The following FAM227B variants were observed in gnomAD, a reference collection of about 807,000 sequenced individuals.
FAM227B encodes family with sequence similarity 227 member B, also known as protein FAM227B.
FAM227B carries 88 observed loss-of-function variants against 73.8 expected under a neutral mutation model. That is an observed-to-expected ratio of 1.19 (90% CI 1.00 to 1.42). The LOEUF is 1.42. Ranked by LOEUF, FAM227B falls within the 40% of genes most tolerant of loss-of-function variation. The pLI, the probability that FAM227B is intolerant of heterozygous loss-of-function variation, is 0.00. For missense variants in FAM227B, 632 were observed against 590.9 expected (o/e 1.07, Z -0.72); for synonymous variants, 210 against 190.5 (o/e 1.10, Z -0.84).
At chr15:49,383,911 C>A (rs1297810342) in intron 11 of FAM227B, among the ~76,000 whole-genome samples, 1 of 152,054 alleles carries the variant, frequency 6.6e-6, no homozygotes, top group Non-Finnish European at 1.5e-5. Context: ...TCATTCTCCC[C>A]CCAAATACAG....
chr15:49,602,265 T>C (rs1567682077), intron 3 of FAM227B, among the ~76,000 whole-genome samples: 1 of 152,182 alleles, frequency 6.6e-6, no homozygotes, highest in Non-Finnish European at 1.5e-5. Context: ...CCACCAACAG[T>C]GTATGAGGGT....
intron 9 of FAM227B, among the ~76,000 whole-genome samples, chr15:49,551,148 G>A (rs892562662): frequency 4.6e-5 from 7 of 152,326 alleles, no homozygotes; most frequent in African/African-American, 7.2e-5. Flanking sequence ...CAGGCGTGGC[G>A]TCACGCGCCT....
At chr15:49,430,793 A>G (rs2050541609) in intron 11 of FAM227B, among the ~76,000 whole-genome samples, 1 of 151,864 alleles carries the variant, frequency 6.6e-6, no homozygotes, top group African/African-American at 2.4e-5. Flanking sequence ...TGAAGCCTTC[A>G]TGGCCTAATC....
At chr15:49,539,117 G>A (rs1289590667) in intron 10 of FAM227B, among the ~76,000 whole-genome samples, 1 of 152,012 alleles carries the variant, frequency 6.6e-6, no homozygotes, top group African/African-American at 2.4e-5. Flanking sequence ...GGGTGGGTGT[G>A]AAGGCATTGA....
intron 11 of FAM227B, chr15:49,396,163 G>A (rs1201344445): frequency 5.7e-6 from 2 of 353,534 alleles, no homozygotes; most frequent in African/African-American, 2.2e-5. Flanking sequence ...CCGAAGCAGG[G>A]CGAGGCATTG....
chr15:49,351,974 G>C (rs1022151513), intron 13 of FAM227B, among the ~76,000 whole-genome samples: 2 of 152,232 alleles, frequency 1.3e-5, no homozygotes, highest in African/African-American at 2.4e-5. Context: ...TCTAGGTGTT[G>C]ACTGAGCTCA....
At chr15:49,435,717 C>T (rs1277493782) in intron 11 of FAM227B, among the ~76,000 whole-genome samples, 2 of 151,422 alleles carry the variant, frequency 1.3e-5, no homozygotes, top group Non-Finnish European at 3.0e-5. Context: ...AAATCTATAT[C>T]ATAGTTGCTA....
chr15:49,423,951 T>G, intron 11 of FAM227B: 1 of 215,020 alleles, frequency 4.7e-6, no homozygotes. Flanking sequence ...ATGCTACTAC[T>G]TACCCACTAA....
intron 11 of FAM227B, among the ~76,000 whole-genome samples, chr15:49,414,516 A>ATAC (rs1054158627): frequency 6.6e-6 from 1 of 152,196 alleles, no homozygotes; most frequent in African/African-American, 2.4e-5. Context: ...TTGGAAAAAG[A>ATAC]AAAGTAGAGT....
intron 11 of FAM227B, among the ~76,000 whole-genome samples, chr15:49,387,810 A>G (rs1052528453): frequency 7.2e-5 from 11 of 151,870 alleles, no homozygotes; most frequent in African/African-American, 2.4e-4. Context: ...ATGTACAACA[A>G]TATCATTGTT....
chr15:49,611,296 T>C (rs1233570395), intron 2 of FAM227B, 28 bp from the exon 3 acceptor site: 2 of 1,352,184 alleles, frequency 1.5e-6, no homozygotes, highest in South Asian at 1.2e-5. Context: ...ACATTGTTCA[T>C]TGGCATAAAC....
At chr15:49,428,793 A>G (rs1282066666) in intron 11 of FAM227B, among the ~76,000 whole-genome samples, 1 of 152,014 alleles carries the variant, frequency 6.6e-6, no homozygotes, top group Non-Finnish European at 1.5e-5. Context: ...CTTGATTATA[A>G]TGAAGCACTG....
At position 49,515,205 on chromosome 15, in the gene FAM227B, C is replaced by A. The variant is rs186043056; in HGVS notation, c.875-6857G>T. Among the ~76,000 whole-genome samples the A allele has an allele frequency of 2.0e-3, 300 of 152,136 alleles. 1 individual carries two copies. The highest frequency in any genetic ancestry group is 6.9e-3 in the African/African-American group (287 of 41,524). ...CTGTGTTTCAGTGTGGGTAATTTCT[C>A]TGATCTATGTTCAAGTTAATGGATT... On this transcript the variant is annotated intron_variant, in intron 10 of 15. Transcript: ENST00000299338.
At chr15:49,406,466 A>T (rs2151660149) in intron 11 of FAM227B, among the ~76,000 whole-genome samples, 1 of 148,438 alleles carries the variant, frequency 6.7e-6, no homozygotes, top group East Asian at 2.0e-4. Flanking sequence ...ACTATGTGTG[A>T]TTTATGCACT....
At chr15:49,344,794 A>T (rs1345199354) in intron 13 of FAM227B, among the ~76,000 whole-genome samples, 3 of 152,148 alleles carry the variant, frequency 2.0e-5, no homozygotes, top group African/African-American at 7.2e-5. Flanking sequence ...AGGTTCAGCA[A>T]TCTTCCTGAA....
rs2045405622 is a variant in FAM227B, at chr15:49,367,535, A to G, written c.1184T>C (p.Leu395Ser). The G allele has an allele frequency of 6.2e-7, 1 of 1,607,880 alleles. No homozygotes were observed. Among genetic ancestry groups the G allele is most frequent in the African/African-American group, 1.3e-5 (1 of 74,496 alleles). Residue 395 changes from leucine (L) to serine (S), a missense_variant, in exon 13 of 16, where the codon TTA becomes TCA. Physicochemically the swap from Leu to Ser is moderately radical, Grantham distance 145. Coordinates refer to ENST00000299338, the MANE Select transcript of FAM227B (RefSeq NM_152647.3). Reference sequence around the variant, plus strand: ...CAGCTCATGCATCTTAAGATAATATAAAATCAATGGACTCTGACCTCCAAA... The same window carrying G: ...CAGCTCATGCATCTTAAGATAATATGAAATCAATGGACTCTGACCTCCAAA... ...FNFGGQSPLI[L>S]YYLKMHELAG...
chr15:49,421,380 T>A (rs2049612827), intron 11 of FAM227B, among the ~76,000 whole-genome samples: 2 of 152,240 alleles, frequency 1.3e-5, no homozygotes, highest in African/African-American at 4.8e-5. Flanking sequence ...AGTTCCCTTG[T>A]TGATATTAAT....
At chr15:49,597,727 A>G (rs2076962628) in intron 3 of FAM227B, among the ~76,000 whole-genome samples, 2 of 152,122 alleles carry the variant, frequency 1.3e-5, no homozygotes, top group Non-Finnish European at 2.9e-5. Flanking sequence ...ACCATTAGCG[A>G]GATTAAGCAA....
At position 49,440,857 on chromosome 15, in the gene FAM227B, G is replaced by A. The variant is rs369407096; in HGVS notation, c.1012+67354C>T. ...ATATAACATTCTGAAGTTGATTACT[G>A]AGGTATTATTAAACATTCTAATATT... On this transcript the variant is annotated intron_variant, in intron 11 of 15. Transcript: ENST00000299338. 2.0e-5 allele frequency among the ~76,000 whole-genome samples: 3 copies of A among 151,784 alleles called. No homozygotes were observed. In the East Asian group the frequency reaches 5.8e-4, roughly 30 times the overall value.
Sources: gnomAD v4.1 joint callset for allele counts (sites outside exome capture counted in the v4.1 genomes callset) on GRCh38, gnomAD v4.1.1 for gene constraint, MANE v1.5 for transcripts, NCBI Gene and HGNC (gene_info 2026-07-23, HGNC 2026-07-21) for gene names.